Variants in FA2H observed in about 807,000 individuals in gnomAD.
The protein encoded by FA2H is fatty acid alpha-hydroxylase.
FA2H carries 22 observed loss-of-function variants against 44.9 expected under a neutral mutation model. The observed-to-expected ratio is 0.49, with a 90% CI of 0.35 to 0.70. FA2H has a LOEUF of 0.70. Among genes scored for constraint, FA2H ranks in the 30% least tolerant of loss-of-function variants. The pLI, the probability that FA2H is intolerant of heterozygous loss-of-function variation, is 0.01. For synonymous variants in FA2H, 243 were observed against 213.2 expected, an observed-to-expected ratio of 1.14 and a Z score of -1.22; for missense variants, 501 against 504.9, an observed-to-expected ratio of 0.99 and a Z score of 0.07.
At chr16:74,747,137 C>T (rs1962438960) in intron 1 of FA2H, among the ~76,000 whole-genome samples, 1 of 151,992 alleles carries the variant, frequency 6.6e-6, no homozygotes, top group African/African-American at 2.4e-5. Flanking sequence ...ATGACAAAAC[C>T]TCATCTCTAC....
intron 1 of FA2H, among the ~76,000 whole-genome samples, chr16:74,753,327 A>G (rs1368925410): frequency 1.3e-5 from 2 of 152,224 alleles, no homozygotes; most frequent in Non-Finnish European, 2.9e-5. Context: ...CAGTGTCCAC[A>G]GCTCAACTGC....
At chr16:74,739,254 G>T (rs1962244071) in intron 2 of FA2H, among the ~76,000 whole-genome samples, 1 of 152,172 alleles carries the variant, frequency 6.6e-6, no homozygotes, top group African/African-American at 2.4e-5. Flanking sequence ...CCCAAACTAG[G>T]CAGAGGGCAT....
intron 5 of FA2H, among the ~76,000 whole-genome samples, chr16:74,717,735 T>C (rs1479218092): frequency 1.3e-5 from 2 of 152,180 alleles, no homozygotes; most frequent in Non-Finnish European, 2.9e-5. Flanking sequence ...AGCAGGGGAC[T>C]GGACAGACTG....
chr16:74,723,820 G>A (rs4247498), intron 4 of FA2H, among the ~76,000 whole-genome samples: 83,670 of 152,016 alleles, frequency 0.55, 23,465 homozygotes, highest in Middle Eastern at 0.67. Context: ...TACCCATCTT[G>A]GAGGGGTGTA....
At chr16:74,724,685 A>T (rs989814146) in intron 4 of FA2H, among the ~76,000 whole-genome samples, 1 of 152,148 alleles carries the variant, frequency 6.6e-6, no homozygotes, top group Non-Finnish European at 1.5e-5. Context: ...CATCACTGGC[A>T]TCATGGTCAC....
chr16:74,719,231 T>C (rs1256505909), intron 4 of FA2H, 71 bp from the exon 5 acceptor site: 6 of 1,390,842 alleles, frequency 4.3e-6, no homozygotes, highest in African/African-American at 1.4e-5. Context: ...TGTCCCTGCC[T>C]CACCATCCCC....
At position 74,774,564 on chromosome 16, in the gene FA2H, C is replaced by A; in HGVS notation, c.192G>T (p.Gly64=). Residue 64 remains glycine, a synonymous_variant, in exon 1 of 7, where the codon GGG becomes GGT. Transcript: ENST00000219368. ...CGTTGGCCGAGTGCCTGTGCGGCGG[C>A]CCGTCCAGGTCGGCGCTGATGTCCT... is the stretch of plus-strand genomic sequence containing the variant. ...AGQDISADLD[G]PPHRHSANAR... 1 of 1,541,500 alleles carries A rather than the reference C, an allele frequency of 6.5e-7. No homozygotes were observed. The highest frequency in any genetic ancestry group is 8.7e-7 in the Non-Finnish European group (1 of 1,154,388).
chr16:74,755,420 T>C (rs1962594783), intron 1 of FA2H, among the ~76,000 whole-genome samples: 1 of 151,766 alleles, frequency 6.6e-6, no homozygotes, highest in Non-Finnish European at 1.5e-5. Context: ...CCTCAGGTGA[T>C]CCACCCGCCT....
chr16:74,743,984 T>G (rs1962365411), intron 1 of FA2H, among the ~76,000 whole-genome samples: 1 of 151,994 alleles, frequency 6.6e-6, no homozygotes, highest in South Asian at 2.1e-4. Context: ...AGTTGTGAGA[T>G]TCTAGGTCTA....
At chr16:74,769,625 T>C (rs1025285836) in intron 1 of FA2H, among the ~76,000 whole-genome samples, 2 of 152,176 alleles carry the variant, frequency 1.3e-5, no homozygotes, top group African/African-American at 4.8e-5. Context: ...GATTCATGGA[T>C]GCCCAGAGTC....
chr16:74,714,182 G>C lies in FA2H; in HGVS notation c.*8C>G, dbSNP rs376143745. 6.5e-7 allele frequency: 1 copy of C among 1,546,232 alleles called. No individual in the cohort carries two copies. Among genetic ancestry groups the C allele is most frequent in the Admixed American group, 1.9e-5 (1 of 51,592 alleles). ...GGGCTGAGGGCAGGACGGAGGGGGT[G>C]GGAGTTGTCACTGCGTCTTCAGGTG... On this transcript the variant is annotated 3_prime_UTR_variant, in exon 7 of 7. Transcript: ENST00000219368.
At chr16:74,763,718 A>G (rs1279434276) in intron 1 of FA2H, among the ~76,000 whole-genome samples, 3 of 152,168 alleles carry the variant, frequency 2.0e-5, no homozygotes, top group Non-Finnish European at 2.9e-5. Context: ...TCCCCCTCTT[A>G]AAGGAGAAAT....
intron 1 of FA2H, among the ~76,000 whole-genome samples, chr16:74,774,095 T>C (rs558596793): frequency 3.9e-5 from 6 of 152,006 alleles, no homozygotes; most frequent in African/African-American, 1.4e-4. Context: ...CGGAGAGTGG[T>C]TGCAAAGAGG....
Position 74,770,792 on chromosome 16 carries a change from G to A in FA2H, c.270+3694C>T, listed in dbSNP as rs568690834. On this transcript the variant is annotated intron_variant, in intron 1 of 6. Transcript: ENST00000219368. ...GACCATTGTCAAGTTTGGGCTATGCGTCTGCAGATGCATTGTTTTGAGTTT... is the reference window on the plus strand; with the variant it reads ...GACCATTGTCAAGTTTGGGCTATGCATCTGCAGATGCATTGTTTTGAGTTT... Among the ~76,000 whole-genome samples, 12 of 152,364 alleles carry A rather than the reference G, an allele frequency of 7.9e-5. No individual in the cohort carries two copies. In the Middle Eastern group the frequency reaches 0.024, roughly 302 times the overall value.
chr16:74,716,532 T>A lies in FA2H; in HGVS notation c.854A>T (p.Tyr285Phe), dbSNP rs1472892105. 6.2e-7 allele frequency: 1 copy of A among 1,611,064 alleles called. No homozygotes were observed. The highest frequency in any genetic ancestry group is 2.2e-5 in the East Asian group (1 of 44,694). The change falls in exon 6 of 7, where the codon TAC becomes TTC. Residue 285 changes from tyrosine to phenylalanine, a missense_variant. Transcript: ENST00000219368. ...GGGCAGGATGAGCTGCATGCACAAG[T>A]AGAAGACGCCGATCACCAGGGAGGC... is the stretch of plus-strand genomic sequence containing the variant. ...VPASLVIGVF[Y>F]LCMQLILPEA... is the part of the protein sequence containing the mutation.
At chr16:74,761,083 A>G (rs1463083485) in intron 1 of FA2H, among the ~76,000 whole-genome samples, 2 of 152,210 alleles carry the variant, frequency 1.3e-5, no homozygotes, top group African/African-American at 4.8e-5. Flanking sequence ...ACAAACCTGC[A>G]CATCCTGCAC....
chr16:74,749,359 C>T (rs1962488728), intron 1 of FA2H, among the ~76,000 whole-genome samples: 1 of 151,018 alleles, frequency 6.6e-6, no homozygotes, highest in Middle Eastern at 3.4e-3. Flanking sequence ...CCGAAGCCCA[C>T]CCACCCCTCG....
At chr16:74,739,664 T>C (rs1567642174) in intron 2 of FA2H, among the ~76,000 whole-genome samples, 1 of 152,204 alleles carries the variant, frequency 6.6e-6, no homozygotes, top group Non-Finnish European at 1.5e-5. Flanking sequence ...GGGGCAGCTC[T>C]ACCTTGTGCC....
At chr16:74,716,692 G>A in intron 5 of FA2H, 93 bp from the exon 6 acceptor site, 2 of 1,410,688 alleles carry the variant, frequency 1.4e-6, no homozygotes, top group Non-Finnish European at 1.9e-6. Context: ...CAGGGGCACA[G>A]CGGCCCAGAC....
Sources: allele counts gnomAD v4.1 joint callset (sites outside exome capture counted in the v4.1 genomes callset), GRCh38; gene constraint gnomAD v4.1.1; transcripts MANE v1.5; gene names NCBI Gene and HGNC (gene_info 2026-07-23, HGNC 2026-07-21).